The following ASF1A variants were observed in gnomAD, a reference collection of about 807,000 sequenced individuals.
ASF1A encodes anti-silencing function 1A histone chaperone.
ASF1A carries 5 observed loss-of-function variants against 22.0 expected under a neutral mutation model. That is an observed-to-expected ratio of 0.23 (90% CI 0.12 to 0.48). The LOEUF (loss-of-function observed/expected upper bound fraction) is 0.48, where lower values mean the gene tolerates loss of function less well. ASF1A is among the 20% of genes least tolerant of loss of function. The pLI, the probability that ASF1A is intolerant of heterozygous loss-of-function variation, is 0.99. For missense variants in ASF1A, 137 were observed against 240.6 expected (o/e 0.57, Z 2.85); for synonymous variants, 97 against 86.7 (o/e 1.12, Z -0.66).
chr6:118,906,865 G>A lies in ASF1A; in HGVS notation c.403-537G>A, dbSNP rs1054652903. 6.6e-5 allele frequency among the ~76,000 whole-genome samples: 10 copies of A among 152,110 alleles called. No homozygotes were observed. The East Asian group carries it at 7.7e-4, about 12-fold the overall frequency. On this transcript the variant is annotated intron_variant, in intron 3 of 3. Coordinates refer to ENST00000229595, the MANE Select transcript of ASF1A (RefSeq NM_014034.3). ...TCATGTTCTTTCTGATAATAAGGCC[G>A]GACTATTTTTCACCCTTGTTGTACC...
chr6:118,895,624 T>TA lies in ASF1A; in HGVS notation c.109+1103dup, dbSNP rs200484475. On this transcript the variant is annotated intron_variant, in intron 1 of 3. Transcript: ENST00000229595. ...TACATATATTTTAAGGTCTTAAAAA[T>TA]ACGTATTTTTAATATCTTTAGTAAT... is the stretch of plus-strand genomic sequence containing the variant. Among the ~76,000 whole-genome samples the TA allele has an allele frequency of 3.3e-5, 5 of 152,160 alleles. No homozygotes were observed. In the East Asian group the frequency reaches 9.6e-4, roughly 29 times the overall value.
Position 118,901,012 on chromosome 6 carries a change from GT to G in ASF1A, c.225+134del. Reference sequence around the variant, plus strand: ...CTTCTGCTGCATTCACTTTAAATCTGTTTCCATCATGTTTTAGGCAGTCTCT... The same window carrying G: ...CTTCTGCTGCATTCACTTTAAATCTGTTCCATCATGTTTTAGGCAGTCTCT... On this transcript the variant is annotated intron_variant, in intron 2 of 3. Coordinates refer to ENST00000229595, the MANE Select transcript of ASF1A (RefSeq NM_014034.3). 6.1e-6 allele frequency: 4 copies of G among 652,748 alleles called. 1 individual carries two copies. Among genetic ancestry groups the G allele is most frequent in the South Asian group, 4.0e-5 (2 of 50,054 alleles). 40.4% of individuals were successfully genotyped at this position (652,748 alleles called of 1,614,324 possible).
At chr6:118,900,166 A>AG (rs1779710149) in intron 1 of ASF1A, among the ~76,000 whole-genome samples, 1 of 145,750 alleles carries the variant, frequency 6.9e-6, no homozygotes, top group Non-Finnish European at 1.6e-5. Flanking sequence ...TGTATGACAC[A>AG]GGGGGGTGCC....
chr6:118,906,330 C>T (rs1780176036), intron 3 of ASF1A, among the ~76,000 whole-genome samples: 1 of 152,192 alleles, frequency 6.6e-6, no homozygotes, highest in South Asian at 2.1e-4. Flanking sequence ...ACCTTGACCT[C>T]CCAAAGTGCT....
intron 1 of ASF1A, among the ~76,000 whole-genome samples, chr6:118,896,001 C>T (rs1382556153): frequency 6.6e-6 from 1 of 150,510 alleles, no homozygotes; most frequent in Non-Finnish European, 1.5e-5. Context: ...TGCCCTATCT[C>T]CTTTCGGTAA....
intron 2 of ASF1A, among the ~76,000 whole-genome samples, chr6:118,904,896 A>C (rs750018330): frequency 4.6e-5 from 7 of 152,150 alleles, no homozygotes; most frequent in Non-Finnish European, 1.0e-4. Context: ...GGAGTGCAGT[A>C]GTGCGATCTC....
Position 118,907,757 on chromosome 6 carries a change from A to G in ASF1A, c.*143A>G, listed in dbSNP as rs1302282971. On this transcript the variant is annotated 3_prime_UTR_variant, in exon 4 of 4. Transcript: ENST00000229595. ...GTAGAAAGTTTATAAGAAAACCAGT[A>G]TTTGAACAAATTGTGGAATATAAAT... is the stretch of plus-strand genomic sequence containing the variant. 1.6e-6 allele frequency: 1 copy of G among 614,074 alleles called. No homozygotes were observed. Among genetic ancestry groups the G allele is most frequent in the Admixed American group, 3.2e-5 (1 of 31,392 alleles). 38.0% of individuals were successfully genotyped at this position (614,074 alleles called of 1,614,324 possible).
chr6:118,900,354 G>A (rs1185528423), intron 1 of ASF1A, among the ~76,000 whole-genome samples: 2 of 152,288 alleles, frequency 1.3e-5, no homozygotes, highest in African/African-American at 2.4e-5. Context: ...GGCCTTAAAA[G>A]ATGATATACA....
intron 1 of ASF1A, among the ~76,000 whole-genome samples, chr6:118,896,972 G>A (rs1397673879): frequency 1.3e-5 from 2 of 151,882 alleles, no homozygotes; most frequent in African/African-American, 4.8e-5. Flanking sequence ...TGAATAGCTG[G>A]GACCATAGTC....
intron 3 of ASF1A, among the ~76,000 whole-genome samples, chr6:118,906,340 T>C (rs1780176938): frequency 6.6e-6 from 1 of 152,216 alleles, no homozygotes; most frequent in African/African-American, 2.4e-5. Context: ...CCCAAAGTGC[T>C]GGGATTACAG....
chr6:118,901,193 A>G (rs1000068399), intron 2 of ASF1A, among the ~76,000 whole-genome samples: 7 of 152,228 alleles, frequency 4.6e-5, no homozygotes, highest in Admixed American at 1.3e-4. Context: ...ATAGCACCTC[A>G]GTATCAGACT....
chr6:118,905,133 A>G (rs926113004), intron 2 of ASF1A, among the ~76,000 whole-genome samples: 15 of 152,046 alleles, frequency 9.9e-5, no homozygotes, highest in African/African-American at 3.6e-4. Context: ...ACCACACCCA[A>G]CCTCATTTTC....
chr6:118,906,731 T>A (rs1780203292), intron 3 of ASF1A, among the ~76,000 whole-genome samples: 1 of 152,196 alleles, frequency 6.6e-6, no homozygotes, highest in South Asian at 2.1e-4. Flanking sequence ...ATTTTCTGAT[T>A]TTTCACTGGG....
intron 1 of ASF1A, 104 bp from the exon 2 acceptor site, chr6:118,900,661 AT>A: frequency 1.2e-6 from 1 of 808,658 alleles, no homozygotes; most frequent in Non-Finnish European, 2.1e-6. Flanking sequence ...TGAGAAGCCA[AT>A]TTTAAAGCCA....
intron 1 of ASF1A, among the ~76,000 whole-genome samples, chr6:118,898,736 T>TA (rs1779607278): frequency 6.6e-6 from 1 of 152,196 alleles, no homozygotes; most frequent in Admixed American, 6.5e-5. Context: ...TGATAATTCT[T>TA]AGTCTTATCC....
At position 118,894,354 on chromosome 6, in the gene ASF1A, GC is replaced by G; in HGVS notation, c.-59del. On this transcript the variant is annotated 5_prime_UTR_variant, in exon 1 of 4. Coordinates refer to ENST00000229595, the MANE Select transcript of ASF1A (RefSeq NM_014034.3). ...TCTGCGCTCTCCCGAGCGGCCGCGC[GC>G]TGGACTTTATTGTGCCGCAACCAGC... The G allele has an allele frequency of 6.5e-7, 1 of 1,533,484 alleles. No individual in the cohort carries two copies. The highest frequency in any genetic ancestry group is 2.5e-5 in the East Asian group (1 of 40,816). 95.0% of individuals were successfully genotyped at this position (1,533,484 alleles called of 1,614,324 possible).
At chr6:118,903,607 T>C (rs1779961334) in intron 2 of ASF1A, among the ~76,000 whole-genome samples, 1 of 152,192 alleles carries the variant, frequency 6.6e-6, no homozygotes, top group South Asian at 2.1e-4. Flanking sequence ...TGATTCTACC[T>C]TCTGAGTTAG....
intron 1 of ASF1A, among the ~76,000 whole-genome samples, chr6:118,896,529 C>T (rs1779431713): frequency 1.3e-5 from 2 of 152,156 alleles, no homozygotes; most frequent in South Asian, 4.1e-4. Context: ...AACTGGGATC[C>T]ATTCAGAACC....
chr6:118,904,245 A>C (rs1409035716), intron 2 of ASF1A, among the ~76,000 whole-genome samples: 2 of 152,166 alleles, frequency 1.3e-5, no homozygotes, highest in Admixed American at 6.6e-5. Flanking sequence ...GACTGACTAG[A>C]TGTAGGAGAT....
Sources: gnomAD v4.1 joint callset for allele counts (sites outside exome capture counted in the v4.1 genomes callset) on GRCh38, gnomAD v4.1.1 for gene constraint, MANE v1.5 for transcripts, NCBI Gene and HGNC (gene_info 2026-07-23, HGNC 2026-07-21) for gene names.